The following WWOX variants were observed in gnomAD, a reference collection of about 807,000 sequenced individuals.
WWOX encodes WW domain-containing oxidoreductase.
In WWOX, 69 loss-of-function variants were observed where a neutral mutation model predicts 46.2. The observed-to-expected ratio is 1.49, with a 90% confidence interval of 1.23 to 1.82. The LOEUF (loss-of-function observed/expected upper bound fraction) is 1.82, where lower values mean the gene tolerates loss of function less well. Ranked by LOEUF, WWOX falls within the 40% of genes most tolerant of loss-of-function variation. WWOX has a pLI of 0.00. For synonymous variants in WWOX, 359 were observed against 202.6 expected, an observed-to-expected ratio of 1.77 and a Z score of -6.56; for missense variants, 919 against 542.6, an observed-to-expected ratio of 1.69 and a Z score of -6.89.
chr16:78,310,120 T>C (rs1308102619), intron 5 of WWOX, among the ~76,000 whole-genome samples: 3 of 151,752 alleles, frequency 2.0e-5, no homozygotes, highest in Non-Finnish European at 4.4e-5. Context: ...TCTTGCCCCA[T>C]TGTTTTAAAC....
At chr16:78,468,939 A>T (rs563500634) in intron 8 of WWOX, among the ~76,000 whole-genome samples, 1 of 152,288 alleles carries the variant, frequency 6.6e-6, no homozygotes, top group South Asian at 2.1e-4. Context: ...TATATTCAAG[A>T]GCGAAACTTT....
At chr16:78,848,325 C>T (rs893052673) in intron 8 of WWOX, among the ~76,000 whole-genome samples, 3 of 152,096 alleles carry the variant, frequency 2.0e-5, no homozygotes, top group Non-Finnish European at 4.4e-5. Context: ...TCATATTTGC[C>T]CCCACAGACC....
At chr16:78,825,863 A>T in intron 8 of WWOX, 1 of 652,322 alleles carries the variant, frequency 1.5e-6, no homozygotes, top group Non-Finnish European at 2.8e-6. Context: ...CCCCGCTGGT[A>T]AGACTGGCCC....
chr16:78,516,225 C>T (rs1301864052), intron 8 of WWOX, among the ~76,000 whole-genome samples: 1 of 152,142 alleles, frequency 6.6e-6, no homozygotes, highest in Non-Finnish European at 1.5e-5. Flanking sequence ...TGAGCTCTTC[C>T]ATCCTTAAAC....
intron 8 of WWOX, among the ~76,000 whole-genome samples, chr16:78,946,173 C>A (rs979301809): frequency 6.6e-6 from 1 of 152,070 alleles, no homozygotes; most frequent in Admixed American, 6.6e-5. Flanking sequence ...CCTATTTTCT[C>A]TTTCTGTGTT....
intron 8 of WWOX, among the ~76,000 whole-genome samples, chr16:78,724,997 T>C (rs146381504): frequency 0.021 from 3,138 of 152,248 alleles, 105 homozygotes; most frequent in African/African-American, 0.071. Flanking sequence ...GGTTTGGCTG[T>C]GTCCCCACCC....
At chr16:78,390,537 G>C (rs1227669502) in intron 6 of WWOX, among the ~76,000 whole-genome samples, 2 of 152,202 alleles carry the variant, frequency 1.3e-5, no homozygotes, top group African/African-American at 4.8e-5. Flanking sequence ...TGAGAGTACA[G>C]GATTTTACAT....
At chr16:79,181,519 A>C (rs1356032642) in intron 8 of WWOX, among the ~76,000 whole-genome samples, 2 of 152,128 alleles carry the variant, frequency 1.3e-5, no homozygotes, top group African/African-American at 2.4e-5. Context: ...AACACTATGC[A>C]GAACGATTTC....
At chr16:78,590,801 C>T (rs979283911) in intron 8 of WWOX, among the ~76,000 whole-genome samples, 6 of 152,146 alleles carry the variant, frequency 3.9e-5, no homozygotes, top group Admixed American at 3.9e-4. Flanking sequence ...TCTAGCAGAT[C>T]ATGGTGTAAG....
intron 7 of WWOX, among the ~76,000 whole-genome samples, chr16:78,425,693 C>T (rs916347822): frequency 2.3e-4 from 35 of 152,058 alleles, no homozygotes; most frequent in African/African-American, 8.5e-4. Flanking sequence ...GTTGGAGAAA[C>T]AACTATTTGT....
intron 8 of WWOX, among the ~76,000 whole-genome samples, chr16:79,011,947 C>A (rs1235078280): frequency 2.0e-5 from 3 of 152,216 alleles, no homozygotes; most frequent in South Asian, 2.1e-4. Flanking sequence ...AGCCACTGTG[C>A]CTGGCCTCTG....
In WWOX at chr16:78,490,624, C is replaced by T. The variant is rs1256480713; in HGVS notation, c.1056+57872C>T. Among the ~76,000 whole-genome samples the T allele has an allele frequency of 4.6e-5, 7 of 152,286 alleles. No individual in the cohort carries two copies. The East Asian group carries it at 1.4e-3, about 30-fold the overall frequency. ...CCAGAGACCAAATGAAACAAACGATCCTCTGATTGCTCAGATGTCCTCTTT... is the reference window on the plus strand; with the variant it reads ...CCAGAGACCAAATGAAACAAACGATTCTCTGATTGCTCAGATGTCCTCTTT... On this transcript the variant is annotated intron_variant, in intron 8 of 8. Transcript: ENST00000566780.
chr16:78,427,295 G>T (rs1325390366), intron 7 of WWOX, among the ~76,000 whole-genome samples: 1 of 152,166 alleles, frequency 6.6e-6, no homozygotes, highest in Non-Finnish European at 1.5e-5. Flanking sequence ...TAGCCTTCCT[G>T]TGTCTTCACT....
intron 1 of WWOX, among the ~76,000 whole-genome samples, chr16:78,107,962 C>T (rs539222639): frequency 2.3e-4 from 35 of 152,116 alleles, no homozygotes; most frequent in African/African-American, 8.0e-4. Flanking sequence ...CAGAGTCTTG[C>T]TCTGTCGCCA....
At chr16:78,852,666 A>T (rs2052474699) in intron 8 of WWOX, among the ~76,000 whole-genome samples, 1 of 152,184 alleles carries the variant, frequency 6.6e-6, no homozygotes, top group African/African-American at 2.4e-5. Flanking sequence ...AATTTTTAAG[A>T]TGCTTCATTT....
intron 8 of WWOX, among the ~76,000 whole-genome samples, chr16:78,681,425 A>AT (rs918774515): frequency 2.6e-5 from 4 of 151,780 alleles, no homozygotes; most frequent in South Asian, 2.1e-4. Flanking sequence ...ACAAAGGTCA[A>AT]TTTTTTTTCC....
At chr16:79,154,045 A>T (rs2050333191) in intron 8 of WWOX, among the ~76,000 whole-genome samples, 1 of 152,208 alleles carries the variant, frequency 6.6e-6, no homozygotes, top group African/African-American at 2.4e-5. Flanking sequence ...ATCCAAAACA[A>T]CTTTGGCTCC....
At position 78,201,308 on chromosome 16, in the gene WWOX, C is replaced by G. The variant is rs187837127; in HGVS notation, c.516+37019C>G. ...TTATTATGTGGGGAATGTGGAAAGGCTAAGGTTGTATTGAAAACTTATTAA... is the reference window on the plus strand; with the variant it reads ...TTATTATGTGGGGAATGTGGAAAGGGTAAGGTTGTATTGAAAACTTATTAA... On this transcript the variant is annotated intron_variant, in intron 5 of 8. Transcript: ENST00000566780. Among the ~76,000 whole-genome samples the G allele has an allele frequency of 2.6e-5, 4 of 152,172 alleles. No homozygotes were observed. In the East Asian group the frequency reaches 7.7e-4, roughly 29 times the overall value.
chr16:78,228,922 T>C (rs1278860519), intron 5 of WWOX, among the ~76,000 whole-genome samples: 1 of 152,218 alleles, frequency 6.6e-6, no homozygotes, highest in Non-Finnish European at 1.5e-5. Flanking sequence ...GTGGTGATTA[T>C]GCGGAAGGTC....
Sources: gnomAD v4.1 joint callset for allele counts (sites outside exome capture counted in the v4.1 genomes callset) on GRCh38, gnomAD v4.1.1 for gene constraint, MANE v1.5 for transcripts, NCBI Gene and HGNC (gene_info 2026-07-23, HGNC 2026-07-21) for gene names.